The following LRRC4C variants were observed in gnomAD, a reference collection of about 807,000 sequenced individuals.
LRRC4C encodes the protein leucine-rich repeat-containing protein 4C.
Under a neutral mutation model 33.6 loss-of-function variants are expected in LRRC4C, and 5 were observed. The ratio of observed to expected loss-of-function variants is 0.15; its 90% CI spans 0.08 to 0.31. The LOEUF is 0.31. Ranked by LOEUF, LRRC4C falls within the 10% of genes least tolerant of loss-of-function variation. The pLI is 1.00. For synonymous variants in LRRC4C, 329 were observed against 302.0 expected (o/e 1.09, Z -0.93); for missense variants, 560 against 796.7 (o/e 0.70, Z 3.58).
At chr11:40,643,202 A>C (rs1423453928) in intron 3 of LRRC4C, among the ~76,000 whole-genome samples, 2 of 152,144 alleles carry the variant, frequency 1.3e-5, no homozygotes, top group African/African-American at 2.4e-5. Context: ...ACAGAGAAAA[A>C]ACATTTGACT....
chr11:40,570,393 G>C (rs1239606584), intron 3 of LRRC4C, among the ~76,000 whole-genome samples: 2 of 152,106 alleles, frequency 1.3e-5, no homozygotes, highest in East Asian at 3.9e-4. Context: ...ATAGAAAACT[G>C]TCATTGTGCT....
chr11:40,348,007 A>C (rs11035793), intron 3 of LRRC4C, among the ~76,000 whole-genome samples: 44,539 of 152,136 alleles, frequency 0.29, 6,944 homozygotes, highest in East Asian at 0.5. Flanking sequence ...AAAGGGAGAG[A>C]TATGACCAGT....
At chr11:41,186,990 T>C (rs1281880797) in intron 1 of LRRC4C, among the ~76,000 whole-genome samples, 2 of 152,208 alleles carry the variant, frequency 1.3e-5, no homozygotes, top group Non-Finnish European at 2.9e-5. Flanking sequence ...TATATACACC[T>C]GGACCCAAAC....
chr11:41,076,294 T>C (rs546909062), intron 1 of LRRC4C, among the ~76,000 whole-genome samples: 1 of 152,340 alleles, frequency 6.6e-6, no homozygotes, highest in South Asian at 2.1e-4. Context: ...CATAGCAGTG[T>C]CCACTTCAAG....
chr11:41,208,195 G>A (rs1946676980), intron 1 of LRRC4C, among the ~76,000 whole-genome samples: 1 of 152,150 alleles, frequency 6.6e-6, no homozygotes, highest in African/African-American at 2.4e-5. Context: ...GTGATAAAGT[G>A]GCAAAGAATT....
intron 3 of LRRC4C, among the ~76,000 whole-genome samples, chr11:40,396,736 A>G (rs1030380511): frequency 6.6e-6 from 1 of 152,146 alleles, no homozygotes; most frequent in African/African-American, 2.4e-5. Context: ...AAAAGGTCCA[A>G]CATAATTTTG....
rs773729796 is a variant in LRRC4C at position 40,114,326 on chromosome 11, G to A, written c.*44C>T. On this transcript the variant is annotated 3_prime_UTR_variant, in exon 7 of 7. Transcript: ENST00000528697. ...TCATTTGTGTCATTTTTAATAAACT[G>A]TCTTTTTTTTTGATTGTTTGTTTTT... The A allele has an allele frequency of 1.3e-6, 2 of 1,510,724 alleles. No individual in the cohort carries two copies. The highest frequency in any genetic ancestry group is 2.2e-5 in the Admixed American group (1 of 44,550). 93.6% of individuals were successfully genotyped at this position (1,510,724 alleles called of 1,614,324 possible).
intron 3 of LRRC4C, among the ~76,000 whole-genome samples, chr11:40,560,632 A>T (rs532346043): frequency 2.0e-5 from 3 of 152,228 alleles, no homozygotes; most frequent in African/African-American, 4.8e-5. Context: ...GAGAAAAGGA[A>T]AGGCAATTTG....
chr11:40,606,757 G>A (rs1445085538), intron 3 of LRRC4C, among the ~76,000 whole-genome samples: 5 of 152,096 alleles, frequency 3.3e-5, no homozygotes, highest in African/African-American at 1.2e-4. Context: ...GGTCCTATAA[G>A]AGAAGAGGGA....
chr11:40,242,782 T>C (rs1397625902), intron 4 of LRRC4C, among the ~76,000 whole-genome samples: 1 of 56,664 alleles, frequency 1.8e-5, no homozygotes, highest in Non-Finnish European at 8.3e-5. Flanking sequence ...AAGTGTATCA[T>C]CCAAAAAAAA....
At chr11:40,470,973 C>G (rs534130548) in intron 3 of LRRC4C, among the ~76,000 whole-genome samples, 5 of 152,130 alleles carry the variant, frequency 3.3e-5, no homozygotes, top group South Asian at 2.1e-4. Flanking sequence ...AGGATATTAT[C>G]CAGGAGAACT....
At chr11:41,208,160 T>C (rs1946675343) in intron 1 of LRRC4C, among the ~76,000 whole-genome samples, 1 of 152,194 alleles carries the variant, frequency 6.6e-6, no homozygotes. Flanking sequence ...AACATGCTGT[T>C]AGGAACTGGA....
intron 3 of LRRC4C, among the ~76,000 whole-genome samples, chr11:40,373,254 G>A (rs1034743481): frequency 1.3e-5 from 2 of 151,898 alleles, no homozygotes; most frequent in African/African-American, 2.4e-5. Flanking sequence ...TCTTGACCTC[G>A]GGGTAATGAA....
intron 3 of LRRC4C, among the ~76,000 whole-genome samples, chr11:40,370,013 T>A (rs1291499668): frequency 6.6e-6 from 1 of 152,120 alleles, no homozygotes; most frequent in Non-Finnish European, 1.5e-5. Flanking sequence ...GAAGAAAAAA[T>A]TATTTTAAAG....
At chr11:41,190,698 A>T (rs1479071652) in intron 1 of LRRC4C, among the ~76,000 whole-genome samples, 1 of 152,116 alleles carries the variant, frequency 6.6e-6, no homozygotes, top group East Asian at 1.9e-4. Flanking sequence ...ATATCAGCAA[A>T]CCAGATACTT....
At chr11:40,412,787 C>T (rs750979092) in intron 3 of LRRC4C, among the ~76,000 whole-genome samples, 1 of 152,150 alleles carries the variant, frequency 6.6e-6, no homozygotes, top group African/African-American at 2.4e-5. Flanking sequence ...GCAGTCCCTG[C>T]AACACTAGGA....
intron 3 of LRRC4C, among the ~76,000 whole-genome samples, chr11:40,638,339 T>C (rs1941892553): frequency 6.6e-6 from 1 of 152,202 alleles, no homozygotes; most frequent in Admixed American, 6.5e-5. Flanking sequence ...TTTGTGGAAT[T>C]ACTGAATTAA....
At chr11:41,276,484 C>T (rs979105289) in intron 1 of LRRC4C, among the ~76,000 whole-genome samples, 1 of 152,076 alleles carries the variant, frequency 6.6e-6, no homozygotes, top group African/African-American at 2.4e-5. Context: ...ACTTGATTCC[C>T]CAATAATAAA....
At chr11:40,810,633 A>G (rs1951449092) in intron 2 of LRRC4C, among the ~76,000 whole-genome samples, 1 of 152,064 alleles carries the variant, frequency 6.6e-6, no homozygotes, top group African/African-American at 2.4e-5. Flanking sequence ...TGCTCCTTCC[A>G]TTCCCTTCTT....
Sources: gnomAD v4.1 joint callset for allele counts (sites outside exome capture counted in the v4.1 genomes callset) on GRCh38, gnomAD v4.1.1 for gene constraint, MANE v1.5 for transcripts, NCBI Gene and HGNC (gene_info 2026-07-23, HGNC 2026-07-21) for gene names.